The following STPG2 variants were observed in gnomAD, a reference collection of about 807,000 sequenced individuals.
STPG2 encodes sperm tail PG-rich repeat containing 2, also known as sperm-tail PG-rich repeat-containing protein 2.
A neutral mutation model predicts 54.2 loss-of-function variants in STPG2; 56 were observed. The observed-to-expected ratio is 1.03, with a 90% CI of 0.83 to 1.29. The LOEUF is 1.29. Ranked by LOEUF, STPG2 falls within the 50% of genes most tolerant of loss-of-function variation. STPG2 has a pLI of 0.00. For missense variants in STPG2, 596 were observed against 544.9 expected (o/e 1.09, Z -0.93); for synonymous variants, 200 against 181.8 (o/e 1.10, Z -0.81).
chr4:97,664,072 A>G (rs1322818253), intron 10 of STPG2, among the ~76,000 whole-genome samples: 1 of 152,182 alleles, frequency 6.6e-6, no homozygotes, highest in Admixed American at 6.5e-5. Flanking sequence ...AAAATAGAAA[A>G]TGATAGTAAT....
At chr4:98,089,954 T>G (rs1016330884) in intron 5 of STPG2, among the ~76,000 whole-genome samples, 2 of 152,146 alleles carry the variant, frequency 1.3e-5, no homozygotes, top group Non-Finnish European at 2.9e-5. Flanking sequence ...TACTAGTCCT[T>G]TGTCAGATGC....
intron 8 of STPG2, among the ~76,000 whole-genome samples, chr4:97,942,124 A>AAT (rs967531489): frequency 4.0e-5 from 6 of 148,194 alleles, no homozygotes; most frequent in South Asian, 2.1e-4. Context: ...ATACGTTTTA[A>AAT]ATATATATAT....
intron 5 of STPG2, among the ~76,000 whole-genome samples, chr4:98,083,699 A>G (rs911380227): frequency 3.9e-5 from 6 of 152,154 alleles, no homozygotes; most frequent in African/African-American, 1.4e-4. Context: ...ATATCATACA[A>G]TTTACATACA....
intron 8 of STPG2, among the ~76,000 whole-genome samples, chr4:97,887,777 A>G (rs1396574185): frequency 7.9e-5 from 12 of 152,238 alleles, no homozygotes; most frequent in Admixed American, 7.2e-4. Flanking sequence ...TAAGACTTCT[A>G]AGGAATTTCA....
chr4:97,711,916 G>A lies in STPG2; in HGVS notation c.1320+783C>T, dbSNP rs192789861. On this transcript the variant is annotated intron_variant, in intron 10 of 10. Transcript: ENST00000295268. ...AACTCCTGACCTCAAGTATCTGCCC[G>A]CCTCAGCTTCCCAAAGTGCTGGGAT... 5.4e-3 allele frequency among the ~76,000 whole-genome samples: 819 copies of A among 151,846 alleles called. 11 individuals are homozygous for A. The South Asian group carries it at 0.057, about 11-fold the overall frequency.
intron 8 of STPG2, among the ~76,000 whole-genome samples, chr4:97,926,365 T>C (rs1337469468): frequency 6.6e-6 from 1 of 152,108 alleles, no homozygotes; most frequent in Non-Finnish European, 1.5e-5. Context: ...CTCTTTTTGA[T>C]CCTTCCATGT....
At chr4:97,994,099 G>A (rs1342172423) in intron 5 of STPG2, among the ~76,000 whole-genome samples, 1 of 151,726 alleles carries the variant, frequency 6.6e-6, no homozygotes, top group Non-Finnish European at 1.5e-5. Flanking sequence ...AATTCATTTA[G>A]TTCTGCCCTG....
At chr4:97,635,986 T>G (rs372986943) in intron 10 of STPG2, among the ~76,000 whole-genome samples, 1 of 151,552 alleles carries the variant, frequency 6.6e-6, no homozygotes, top group African/African-American at 2.4e-5. Flanking sequence ...CTGCACCAAG[T>G]GGACCTAATA....
At chr4:97,763,010 T>G (rs1426073531) in intron 9 of STPG2, among the ~76,000 whole-genome samples, 2 of 152,320 alleles carry the variant, frequency 1.3e-5, no homozygotes, top group East Asian at 3.9e-4. Flanking sequence ...TTTCCCATTG[T>G]TGCCGTAACA....
intron 9 of STPG2, among the ~76,000 whole-genome samples, chr4:97,777,917 C>G (rs1028909885): frequency 4.6e-5 from 7 of 151,958 alleles, no homozygotes; most frequent in Non-Finnish European, 1.5e-5. Flanking sequence ...CTTTTAGAAT[C>G]TATCAATCAG....
intron 9 of STPG2, among the ~76,000 whole-genome samples, chr4:97,726,917 A>C (rs1724643223): frequency 6.6e-6 from 1 of 151,766 alleles, no homozygotes; most frequent in Admixed American, 6.6e-5. Context: ...TTTTCATTCC[A>C]TCTGCTGTGA....
At chr4:97,877,983 G>GA (rs1730238918) in intron 8 of STPG2, among the ~76,000 whole-genome samples, 2 of 152,150 alleles carry the variant, frequency 1.3e-5, no homozygotes, top group South Asian at 4.1e-4. Context: ...TTCCAAATGG[G>GA]AAAAATTGGC....
chr4:98,100,970 C>G (rs1306398378), intron 5 of STPG2, among the ~76,000 whole-genome samples: 1 of 152,046 alleles, frequency 6.6e-6, no homozygotes, highest in Non-Finnish European at 1.5e-5. Context: ...GCCACTGCAC[C>G]CCGCCTCCTT....
At chr4:97,468,472 G>C (rs1729842039) in intron 4 of STPG2, among the ~76,000 whole-genome samples, 1 of 151,930 alleles carries the variant, frequency 6.6e-6, no homozygotes, top group Non-Finnish European at 1.5e-5. Flanking sequence ...CTAAATGGGA[G>C]CTCCATACAA....
chr4:97,450,405 A>T (rs1438771050), intron 4 of STPG2, among the ~76,000 whole-genome samples: 2 of 152,210 alleles, frequency 1.3e-5, no homozygotes, highest in African/African-American at 4.8e-5. Flanking sequence ...CAATAATGAG[A>T]TAATCATAAA....
Position 97,793,370 on chromosome 4 carries a change from T to TACACACACAC in STPG2, c.1204+47393_1204+47402dup, listed in dbSNP as rs3046530. On this transcript the variant is annotated intron_variant, in intron 9 of 10. Transcript: ENST00000295268. ...ATATATAAAATTAGAGTTTTATATA[T>TACACACACAC]ACACACACACACACACACACACACA... is the stretch of plus-strand genomic sequence containing the variant. 3.4e-5 allele frequency among the ~76,000 whole-genome samples: 5 copies of TACACACACAC among 147,974 alleles called. No individual in the cohort carries two copies. In the East Asian group the frequency reaches 9.8e-4, roughly 29 times the overall value.
At chr4:97,744,329 G>A (rs1323941460) in intron 9 of STPG2, among the ~76,000 whole-genome samples, 1 of 151,146 alleles carries the variant, frequency 6.6e-6, no homozygotes, top group Non-Finnish European at 1.5e-5. Flanking sequence ...ATTATTGTGT[G>A]GTCTTATCTT....
chr4:97,698,958 G>T (rs1271330745), intron 10 of STPG2, among the ~76,000 whole-genome samples: 1 of 152,188 alleles, frequency 6.6e-6, no homozygotes, highest in Non-Finnish European at 1.5e-5. Flanking sequence ...AAGGCATTCT[G>T]TGAGTCCACT....
chr4:97,671,996 A>G (rs1335406557), intron 10 of STPG2, among the ~76,000 whole-genome samples: 7 of 152,052 alleles, frequency 4.6e-5, no homozygotes, highest in African/African-American at 1.7e-4. Context: ...TGTCATTACT[A>G]TTATTTCTGT....
Sources: gnomAD v4.1 joint callset for allele counts (sites outside exome capture counted in the v4.1 genomes callset) on GRCh38, gnomAD v4.1.1 for gene constraint, MANE v1.5 for transcripts, NCBI Gene and HGNC (gene_info 2026-07-23, HGNC 2026-07-21) for gene names.